Variants in FAM81B observed in about 807,000 individuals in gnomAD.
The protein encoded by FAM81B is family with sequence similarity 81 member B.
FAM81B carries 60 observed loss-of-function variants against 58.7 expected under a neutral mutation model. That is an observed-to-expected ratio of 1.02 (90% CI 0.83 to 1.27). The LOEUF (loss-of-function observed/expected upper bound fraction) is 1.27. Ranked by LOEUF, FAM81B falls within the 50% of genes most tolerant of loss-of-function variation. FAM81B has a pLI of 0.00. For synonymous variants in FAM81B, 189 were observed against 179.6 expected, an observed-to-expected ratio of 1.05 and a Z score of -0.42; for missense variants, 491 against 522.0, an observed-to-expected ratio of 0.94 and a Z score of 0.58.
At chr5:95,425,232 A>C (rs1165748910) in intron 5 of FAM81B, among the ~76,000 whole-genome samples, 1 of 152,088 alleles carries the variant, frequency 6.6e-6, no homozygotes. Context: ...ACAGATGTGA[A>C]TCTATAGATT....
intron 5 of FAM81B, among the ~76,000 whole-genome samples, chr5:95,425,158 A>C (rs1044835514): frequency 4.0e-5 from 6 of 150,708 alleles, no homozygotes; most frequent in Non-Finnish European, 8.8e-5. Context: ...CTGAAGAAGA[A>C]ACAGAACGAA....
intron 3 of FAM81B, among the ~76,000 whole-genome samples, chr5:95,398,453 A>AATAC (rs1762020902): frequency 1.3e-5 from 2 of 151,586 alleles, no homozygotes; most frequent in African/African-American, 4.9e-5. Context: ...TAAATAAATA[A>AATAC]AAAACTTCAG....
chr5:95,404,087 C>T (rs1295597375), intron 3 of FAM81B, among the ~76,000 whole-genome samples: 2 of 152,144 alleles, frequency 1.3e-5, no homozygotes, highest in Non-Finnish European at 2.9e-5. Context: ...AGACCAAATA[C>T]CTTTGCTGGC....
intron 7 of FAM81B, among the ~76,000 whole-genome samples, chr5:95,438,527 T>A (rs1745191071): frequency 6.6e-6 from 1 of 152,156 alleles, no homozygotes; most frequent in African/African-American, 2.4e-5. Flanking sequence ...TTTGGTATTA[T>A]GGGAATTTGG....
At chr5:95,444,833 G>A (rs1385305730) in intron 7 of FAM81B, among the ~76,000 whole-genome samples, 1 of 152,100 alleles carries the variant, frequency 6.6e-6, no homozygotes, top group Non-Finnish European at 1.5e-5. Context: ...TCTAAGTCAG[G>A]TTTTCTCAGT....
intron 4 of FAM81B, among the ~76,000 whole-genome samples, chr5:95,418,711 A>G (rs1232518846): frequency 1.3e-5 from 2 of 152,194 alleles, no homozygotes; most frequent in South Asian, 2.1e-4. Context: ...TCCCCCTTGG[A>G]TAAGAGGAGA....
intron 1 of FAM81B, 99 bp from the exon 2 acceptor site, chr5:95,392,695 A>G (rs571152179): frequency 2.2e-6 from 2 of 893,644 alleles, no homozygotes; most frequent in Non-Finnish European, 3.5e-6. Flanking sequence ...AAGCCAAGCT[A>G]TATGTACAGA....
intron 4 of FAM81B, 134 bp from the exon 5 acceptor site, chr5:95,420,150 G>A (rs1762639359): frequency 9.7e-7 from 1 of 1,030,710 alleles, no homozygotes; most frequent in African/African-American, 1.6e-5. Context: ...TTCTCTCTGA[G>A]ATAGGACTCT....
intron 3 of FAM81B, among the ~76,000 whole-genome samples, chr5:95,412,477 T>G (rs1354467087): frequency 1.3e-5 from 2 of 152,212 alleles, no homozygotes; most frequent in Non-Finnish European, 2.9e-5. Flanking sequence ...TCATTAAAAT[T>G]TCCTAAAATG....
rs554387964 is a variant in FAM81B at position 95,409,084 on chromosome 5, A to C, written c.294-4863A>C. Among the ~76,000 whole-genome samples the C allele has an allele frequency of 1.1e-3, 170 of 152,246 alleles. 1 individual carries two copies. The highest frequency in any genetic ancestry group is 1.0e-3 in the Admixed American group (16 of 15,292). ...CCATTAAAAAGTTCACATTGATTAC[A>C]TGTTACAATGACATTTTAGATATAA... On this transcript the variant is annotated intron_variant, in intron 3 of 9. Coordinates refer to ENST00000283357, the MANE Select transcript of FAM81B (RefSeq NM_152548.3).
intron 5 of FAM81B, chr5:95,424,096 G>A (rs1582810385): frequency 1.6e-6 from 2 of 1,289,762 alleles, no homozygotes; most frequent in South Asian, 2.5e-5. Context: ...TGGCTGAAGT[G>A]CGACAGGCTG....
At chr5:95,447,937 T>A (rs1422734732) in intron 8 of FAM81B, among the ~76,000 whole-genome samples, 1 of 152,060 alleles carries the variant, frequency 6.6e-6, no homozygotes, top group East Asian at 1.9e-4. Context: ...CACGTGGAGG[T>A]ATGAAATTGA....
intron 6 of FAM81B, among the ~76,000 whole-genome samples, chr5:95,432,519 A>G (rs1162276620): frequency 6.6e-6 from 1 of 152,114 alleles, no homozygotes. Flanking sequence ...TTGATGGGGA[A>G]GGAAGCCCTT....
Position 95,450,167 on chromosome 5 carries a change from A to G in FAM81B, c.1244A>G (p.Asp415Gly), listed in dbSNP as rs2152771677. ...EYQSGFKSIH[D>G]SLSSLQQIQK... ...CTTACAGGATTTAAATCAATTCATG[A>G]CTCTCTCAGCTCCCTCCAACAAATA... The change falls in exon 10 of 10, where the codon GAC becomes GGC. Residue 415 changes from aspartate (D) to glycine (G), a missense_variant. Physicochemically the swap from Asp to Gly is moderately conservative, Grantham distance 94 (BLOSUM62 -1). Coordinates refer to ENST00000283357, the MANE Select transcript of FAM81B (RefSeq NM_152548.3). The G allele has an allele frequency of 6.2e-7, 1 of 1,611,758 alleles. No individual in the cohort carries two copies. Among genetic ancestry groups the G allele is most frequent in the South Asian group, 1.1e-5 (1 of 90,532 alleles).
At chr5:95,409,654 A>C (rs528056692) in intron 3 of FAM81B, among the ~76,000 whole-genome samples, 1 of 152,178 alleles carries the variant, frequency 6.6e-6, no homozygotes, top group Non-Finnish European at 1.5e-5. Flanking sequence ...TTTATAAGCC[A>C]ACCAGATTCT....
chr5:95,397,694 G>C (rs934341367), intron 3 of FAM81B, among the ~76,000 whole-genome samples: 1 of 152,186 alleles, frequency 6.6e-6, no homozygotes, highest in Admixed American at 6.5e-5. Context: ...CAAAGCAAAA[G>C]CATGATAAAG....
At chr5:95,393,739 G>T (rs1346122105) in intron 2 of FAM81B, among the ~76,000 whole-genome samples, 2 of 152,122 alleles carry the variant, frequency 1.3e-5, no homozygotes, top group Admixed American at 6.5e-5. Flanking sequence ...TAATGGGAAG[G>T]TAATGATATC....
chr5:95,413,962 C>T lies in FAM81B; in HGVS notation c.309C>T (p.Leu103=). ...VEYVDKSHAF[L]PIIPNTQRGQ... ...TTCTGATCAGGAGTCATGCTTTTCT[C>T]CCCATCATTCCAAACACCCAGAGAG... The change falls in exon 4 of 10, where the codon CTC becomes CTT. Residue 103 remains leucine, a synonymous_variant. Transcript: ENST00000283357. 1 of 1,613,072 alleles carries T rather than the reference C, an allele frequency of 6.2e-7. No homozygotes were observed. The highest frequency in any genetic ancestry group is 8.5e-7 in the Non-Finnish European group (1 of 1,179,582).
chr5:95,400,932 C>T (rs1762096087), intron 3 of FAM81B, among the ~76,000 whole-genome samples: 2 of 150,972 alleles, frequency 1.3e-5, no homozygotes, highest in African/African-American at 2.4e-5. Context: ...CCCACCCCCA[C>T]CCCCAAAGAC....
Sources: gnomAD v4.1 joint callset for allele counts (sites outside exome capture counted in the v4.1 genomes callset) on GRCh38, gnomAD v4.1.1 for gene constraint, MANE v1.5 for transcripts, NCBI Gene and HGNC (gene_info 2026-07-23, HGNC 2026-07-21) for gene names.